SEC14L5: variants seen among roughly 807,000 people sequenced by gnomAD.
SEC14L5 encodes SEC14-like protein 5.
Under a neutral mutation model 84.6 loss-of-function variants are expected in SEC14L5, and 96 were observed. The ratio of observed to expected loss-of-function variants is 1.13; its 90% confidence interval spans 0.96 to 1.34. The LOEUF is 1.34. SEC14L5 is among the 40% of genes most tolerant of loss of function. The pLI, the probability that SEC14L5 is intolerant of heterozygous loss-of-function variation, is 0.00. For missense variants in SEC14L5, 1,224 were observed against 942.5 expected (o/e 1.30, Z -3.91); for synonymous variants, 546 against 383.4 (o/e 1.42, Z -4.95).
At chr16:4,967,593 G>A (rs1162880016) in intron 2 of SEC14L5, among the ~76,000 whole-genome samples, 14 of 37,634 alleles carry the variant, frequency 3.7e-4, no homozygotes, top group African/African-American at 1.2e-3. Flanking sequence ...TTTTTTTTTT[G>A]ACAGAGTGTT....
At chr16:5,011,529 G>C (rs1020439447) in intron 15 of SEC14L5, among the ~76,000 whole-genome samples, 1 of 152,192 alleles carries the variant, frequency 6.6e-6, no homozygotes, top group African/African-American at 2.4e-5. Context: ...CAACTTTTTG[G>C]AGCAGTTGGA....
At chr16:4,966,250 C>G (rs28469190) in intron 2 of SEC14L5, among the ~76,000 whole-genome samples, 124,174 of 143,078 alleles carry the variant, frequency 0.87, 54,641 homozygotes, top group Non-Finnish European at 0.93. Flanking sequence ...ACAGGCGTGA[C>G]CCACCGCGCC....
In SEC14L5 at chr16:5,008,730, G is replaced by C. The variant is rs3743843; in HGVS notation, c.1800+82G>C. On this transcript the variant is annotated intron_variant, in intron 14 of 15. Coordinates refer to ENST00000251170, the MANE Select transcript of SEC14L5 (RefSeq NM_014692.2). Reference sequence around the variant, plus strand: ...GTGCCAGGCTTCTGGGGATACAGCGGAGGACATACTGGGCTGCTGGTCCCC... The same window carrying C: ...GTGCCAGGCTTCTGGGGATACAGCGCAGGACATACTGGGCTGCTGGTCCCC... The C allele has an allele frequency of 2.1e-3, 2,687 of 1,257,762 alleles. 39 individuals are homozygous for C. The Admixed American group carries it at 0.031, about 14-fold the overall frequency. The allele number at this position is 1,257,762 out of a possible 1,614,324, so 77.9% of individuals were successfully genotyped here. A position where few individuals can be genotyped will look rare whatever the true frequency, so the allele number is the denominator to read the frequency against.
chr16:5,008,120 T>C (rs2908670), intron 13 of SEC14L5, among the ~76,000 whole-genome samples: 332 of 152,172 alleles, frequency 2.2e-3, no homozygotes, highest in Admixed American at 3.2e-3. Flanking sequence ...TTCACCATGT[T>C]GGCCAGACTG....
At chr16:4,992,691 C>T (rs935822842) in intron 6 of SEC14L5, among the ~76,000 whole-genome samples, 4 of 152,136 alleles carry the variant, frequency 2.6e-5, no homozygotes, top group African/African-American at 4.8e-5. Context: ...TTAAATTATA[C>T]GAGTAATGCA....
chr16:4,969,589 G>T (rs1487278063), intron 2 of SEC14L5, among the ~76,000 whole-genome samples: 1 of 151,846 alleles, frequency 6.6e-6, no homozygotes, highest in Non-Finnish European at 1.5e-5. Flanking sequence ...TCACCACATT[G>T]GTCAGGCTGG....
At chr16:4,968,890 C>T (rs1164186296) in intron 2 of SEC14L5, among the ~76,000 whole-genome samples, 1 of 152,190 alleles carries the variant, frequency 6.6e-6, no homozygotes, top group African/African-American at 2.4e-5. Context: ...AAGACCTGGC[C>T]TTGTTGTATT....
rs1438035332 is a variant in SEC14L5, at chr16:5,016,200, T to A, written c.*1230T>A. 6.6e-6 allele frequency: 1 copy of A among 152,126 alleles called. No homozygotes were observed. The highest frequency in any genetic ancestry group is 2.4e-5 in the African/African-American group (1 of 41,414). The allele number at this position is 152,126 out of a possible 1,614,324, so 9.4% of individuals were successfully genotyped here. On this transcript the variant is annotated 3_prime_UTR_variant, in exon 16 of 16. Transcript: ENST00000251170. ...GGCAGATATGACTCTGGAACTAGGT[T>A]CAATATTGACATGAGTTCCCCTAGT...
At chr16:4,997,274 AT>A (rs534855096) in intron 8 of SEC14L5, among the ~76,000 whole-genome samples, 1 of 152,030 alleles carries the variant, frequency 6.6e-6, no homozygotes, top group Non-Finnish European at 1.5e-5. Context: ...AATTTTTTGT[AT>A]TTTTAGTAGA....
Position 5,015,168 on chromosome 16 carries a change from A to G in SEC14L5, c.*198A>G. 1 of 586,100 alleles carries G rather than the reference A, an allele frequency of 1.7e-6. No homozygotes were observed. Among genetic ancestry groups the G allele is most frequent in the South Asian group, 2.1e-5 (1 of 47,628 alleles). The allele number at this position is 586,100 out of a possible 1,614,324, so 36.3% of individuals were successfully genotyped here. The stretch of plus-strand genomic sequence containing the variant: ...GTGGTGTCAGGGCTCTTGAAATTGC[A>G]AGGACAGAACCATCTCCTTCCGGCT... On this transcript the variant is annotated 3_prime_UTR_variant, in exon 16 of 16. Coordinates refer to ENST00000251170, the MANE Select transcript of SEC14L5 (RefSeq NM_014692.2).
At chr16:5,011,460 C>T (rs1287128922) in intron 15 of SEC14L5, among the ~76,000 whole-genome samples, 187 bp downstream of exon 15, 10 of 152,190 alleles carry the variant, frequency 6.6e-5, no homozygotes, top group Admixed American at 5.2e-4. Flanking sequence ...CAGCTCTGCG[C>T]GTCTAACTCT....
chr16:4,968,310 G>T (rs1412777200), intron 2 of SEC14L5, among the ~76,000 whole-genome samples: 1 of 151,998 alleles, frequency 6.6e-6, no homozygotes, highest in Non-Finnish European at 1.5e-5. Context: ...CTCCCGAGTA[G>T]CTGGGATTAC....
Position 4,990,785 on chromosome 16 carries a change from G to A in SEC14L5, c.364G>A (p.Asp122Asn). ...CSYTVHPENE[D>N]WTCFEQSASL... ...CTTTCAGGTCCACCCTGAGAATGAA[G>A]ACTGGACTTGCTTCGAGCAGTCTGC... Residue 122 changes from aspartate to asparagine, a missense_variant, in exon 5 of 16, where the codon GAC (aspartate) becomes AAC (asparagine). Coordinates refer to ENST00000251170, the MANE Select transcript of SEC14L5 (RefSeq NM_014692.2). The A allele has an allele frequency of 6.2e-7, 1 of 1,609,846 alleles. No homozygotes were observed.
At chr16:4,969,028 G>C (rs918813959) in intron 2 of SEC14L5, among the ~76,000 whole-genome samples, 3 of 152,248 alleles carry the variant, frequency 2.0e-5, no homozygotes. Context: ...TTAACAAAGC[G>C]GCCGGGGCCT....
intron 2 of SEC14L5, among the ~76,000 whole-genome samples, chr16:4,980,286 C>G (rs1482425707): frequency 6.6e-6 from 1 of 152,226 alleles, no homozygotes; most frequent in Non-Finnish European, 1.5e-5. Context: ...GGAGCCTCAG[C>G]TCGAATGTCC....
At chr16:4,976,149 C>G (rs981501181) in intron 2 of SEC14L5, among the ~76,000 whole-genome samples, 1 of 152,202 alleles carries the variant, frequency 6.6e-6, no homozygotes, top group African/African-American at 2.4e-5. Context: ...CCAGGCACTG[C>G]TCTAAGCACA....
chr16:4,969,267 G>A (rs562505192), intron 2 of SEC14L5, among the ~76,000 whole-genome samples: 1 of 152,362 alleles, frequency 6.6e-6, no homozygotes, highest in South Asian at 2.1e-4. Context: ...ATTCATGCAT[G>A]TGTGCATTCC....
rs1248966411 is a variant in SEC14L5, at chr16:4,979,302, CAACCCCATGGT to C, written c.64-8254_64-8244del. On this transcript the variant is annotated intron_variant, in intron 2 of 15. Transcript: ENST00000251170. ...TGGTTCTAGAAGCAACACAGTGCAC[CAACCCCATGGT>C]CTGACTGCAAGGGGGTCAAATTGCA... Among the ~76,000 whole-genome samples the C allele has an allele frequency of 1.8e-4, 27 of 152,282 alleles. No individual in the cohort carries two copies. The South Asian group carries it at 5.4e-3, about 30-fold the overall frequency.
At chr16:4,987,887 A>C (rs1955510080) in intron 3 of SEC14L5, among the ~76,000 whole-genome samples, 181 bp downstream of exon 3, 4 of 150,518 alleles carry the variant, frequency 2.7e-5, no homozygotes, top group Non-Finnish European at 5.9e-5. Flanking sequence ...AGGAGGGGCG[A>C]GGGCTGGAAG....
Sources: allele counts gnomAD v4.1 joint callset (sites outside exome capture counted in the v4.1 genomes callset), GRCh38; gene constraint gnomAD v4.1.1; transcripts MANE v1.5; gene names NCBI Gene and HGNC (gene_info 2026-07-23, HGNC 2026-07-21).